The following DLGAP2 variants were observed in gnomAD, a reference collection of about 807,000 sequenced individuals.
DLGAP2 encodes the protein DLG associated protein 2, also known as disks large-associated protein 2.
In DLGAP2, 26 loss-of-function variants were observed where a neutral mutation model predicts 100.3. The observed-to-expected ratio is 0.26, with a 90% CI of 0.19 to 0.36. The LOEUF (loss-of-function observed/expected upper bound fraction) is 0.36. Ranked by LOEUF, DLGAP2 falls within the 10% of genes least tolerant of loss-of-function variation. The pLI, the probability that DLGAP2 is intolerant of heterozygous loss-of-function variation, is 1.00. For synonymous variants in DLGAP2, 886 were observed against 630.1 expected, an observed-to-expected ratio of 1.41 and a Z score of -6.08; for missense variants, 1,858 against 1,453.2, an observed-to-expected ratio of 1.28 and a Z score of -4.53.
At chr8:1,171,120 T>A (rs1797119388) in intron 2 of DLGAP2, among the ~76,000 whole-genome samples, 2 of 152,236 alleles carry the variant, frequency 1.3e-5, no homozygotes, top group African/African-American at 4.8e-5. Context: ...TCTTTATTTC[T>A]GCCTTCATTT....
intron 3 of DLGAP2, among the ~76,000 whole-genome samples, chr8:1,364,815 G>A (rs763157388): frequency 1.6e-4 from 25 of 152,320 alleles, no homozygotes; most frequent in East Asian, 3.9e-4. Context: ...CATTTACGTC[G>A]GAGTTGGGGA....
At chr8:1,097,534 C>G (rs1211064190) in intron 2 of DLGAP2, among the ~76,000 whole-genome samples, 3 of 130,162 alleles carry the variant, frequency 2.3e-5, no homozygotes, top group East Asian at 2.4e-4. Context: ...TGAGACCCAC[C>G]TCCCTCTGCT....
At chr8:1,276,045 AAT>A (rs1161105466) in intron 3 of DLGAP2, among the ~76,000 whole-genome samples, 1 of 139,352 alleles carries the variant, frequency 7.2e-6, no homozygotes, top group African/African-American at 2.6e-5. Flanking sequence ...AACGTATAAA[AAT>A]ATATAATATA....
At chr8:1,120,487 T>C (rs2129047432) in intron 2 of DLGAP2, among the ~76,000 whole-genome samples, 1 of 152,236 alleles carries the variant, frequency 6.6e-6, no homozygotes, top group Non-Finnish European at 1.5e-5. Flanking sequence ...GCTACTTTCA[T>C]AGCCCACAGC....
chr8:1,100,507 G>GGTGTCTGTGT (rs1804542943), intron 2 of DLGAP2, among the ~76,000 whole-genome samples: 1 of 151,078 alleles, frequency 6.6e-6, no homozygotes, highest in African/African-American at 2.4e-5. Flanking sequence ...TAGAGTTTGT[G>GGTGTCTGTGT]GTGTGTGTGT....
chr8:1,057,697 G>A (rs1038018310), intron 2 of DLGAP2, among the ~76,000 whole-genome samples: 2 of 152,188 alleles, frequency 1.3e-5, no homozygotes, highest in East Asian at 1.9e-4. Flanking sequence ...ATTTGTTTGC[G>A]AACAGCTTGT....
intron 6 of DLGAP2, among the ~76,000 whole-genome samples, chr8:1,600,558 G>T (rs1344370823): frequency 6.6e-6 from 1 of 152,076 alleles, no homozygotes; most frequent in African/African-American, 2.4e-5. Flanking sequence ...TTTCTTGGAG[G>T]CTTTGTTTGT....
intron 2 of DLGAP2, among the ~76,000 whole-genome samples, chr8:1,214,531 C>T (rs544445927): frequency 5.3e-5 from 8 of 152,362 alleles, no homozygotes; most frequent in African/African-American, 1.4e-4. Context: ...TACCCTAACC[C>T]GGAAGTCAGA....
At chr8:1,362,280 C>T (rs1027120424) in intron 3 of DLGAP2, among the ~76,000 whole-genome samples, 5 of 151,978 alleles carry the variant, frequency 3.3e-5, no homozygotes, top group Non-Finnish European at 7.4e-5. Flanking sequence ...GGCAGGTAAA[C>T]GGGTCGAATC....
At chr8:1,263,701 G>C (rs573425363) in intron 3 of DLGAP2, among the ~76,000 whole-genome samples, 1 of 152,220 alleles carries the variant, frequency 6.6e-6, no homozygotes, top group Admixed American at 6.5e-5. Flanking sequence ...GGGAAAAAAT[G>C]ATAGGATTGC....
intron 3 of DLGAP2, among the ~76,000 whole-genome samples, chr8:1,356,379 G>C (rs1350506866): frequency 6.6e-6 from 1 of 152,200 alleles, no homozygotes; most frequent in Non-Finnish European, 1.5e-5. Flanking sequence ...AGCTCATTAA[G>C]TTTAGGATGC....
chr8:808,288 C>T (rs1796306251), intron 1 of DLGAP2, among the ~76,000 whole-genome samples: 1 of 152,182 alleles, frequency 6.6e-6, no homozygotes, highest in Non-Finnish European at 1.5e-5. Context: ...AGCTCCATCT[C>T]CAGGGGGCCT....
At chr8:1,595,799 A>T (rs1287356035) in intron 6 of DLGAP2, among the ~76,000 whole-genome samples, 1 of 151,890 alleles carries the variant, frequency 6.6e-6, no homozygotes, top group Non-Finnish European at 1.5e-5. Flanking sequence ...ATAAATATTT[A>T]TTTAGTAGTC....
At chr8:778,416 G>C (rs1250306858) in intron 1 of DLGAP2, among the ~76,000 whole-genome samples, 4 of 152,200 alleles carry the variant, frequency 2.6e-5, no homozygotes, top group African/African-American at 9.7e-5. Flanking sequence ...GAGGAGGAGA[G>C]GCGCTCTGCT....
chr8:1,633,072 C>T (rs144288689), intron 8 of DLGAP2, 26 bp downstream of exon 8: 18 of 1,612,310 alleles, frequency 1.1e-5, no homozygotes, highest in East Asian at 2.2e-5. Flanking sequence ...TTTCAGCCTT[C>T]CAGCGGGGAC....
intron 3 of DLGAP2, among the ~76,000 whole-genome samples, chr8:1,358,609 G>GGA (rs1801908017): frequency 6.6e-6 from 1 of 152,198 alleles, no homozygotes; most frequent in African/African-American, 2.4e-5. Context: ...AGTGAAAGCA[G>GGA]CGTTTGGACG....
At chr8:1,618,822 C>G (rs1260156139) in intron 6 of DLGAP2, among the ~76,000 whole-genome samples, 1 of 152,150 alleles carries the variant, frequency 6.6e-6, no homozygotes, top group African/African-American at 2.4e-5. Flanking sequence ...GTTGGGGGCC[C>G]TCTGTGCACT....
intron 2 of DLGAP2, among the ~76,000 whole-genome samples, chr8:1,230,078 CT>C (rs1486698050): frequency 1.3e-5 from 2 of 151,796 alleles, no homozygotes; most frequent in African/African-American, 4.9e-5. Flanking sequence ...AACTATTTGT[CT>C]TCACAGATGA....
chr8:1,232,199 C>G (rs1047155141), intron 2 of DLGAP2, among the ~76,000 whole-genome samples: 51 of 152,212 alleles, frequency 3.4e-4, no homozygotes, highest in African/African-American at 1.2e-3. Context: ...CAAACTGTCA[C>G]TTTGCACACT....
Sources: gnomAD v4.1 joint callset for allele counts (sites outside exome capture counted in the v4.1 genomes callset) on GRCh38, gnomAD v4.1.1 for gene constraint, MANE v1.5 for transcripts, NCBI Gene and HGNC (gene_info 2026-07-23, HGNC 2026-07-21) for gene names.